The following FOXP2 variants were observed in gnomAD, a reference collection of about 807,000 sequenced individuals.
The protein encoded by FOXP2 is forkhead box protein P2.
Under a neutral mutation model 115.8 loss-of-function variants are expected in FOXP2, and 12 were observed. That is an observed-to-expected ratio of 0.10 (90% CI 0.07 to 0.17). FOXP2 has a LOEUF of 0.17. Ranked by LOEUF, FOXP2 falls within the 10% of genes least tolerant of loss-of-function variation. The pLI, the probability that FOXP2 is intolerant of heterozygous loss-of-function variation, is 1.00. For missense variants in FOXP2, 629 were observed against 843.5 expected, an observed-to-expected ratio of 0.75 and a Z score of 3.15; for synonymous variants, 328 against 297.7, an observed-to-expected ratio of 1.10 and a Z score of -1.05.
chr7:114,343,482 A>G (rs1791263056), intron 2 of FOXP2, among the ~76,000 whole-genome samples: 1 of 151,622 alleles, frequency 6.6e-6, no homozygotes, highest in Admixed American at 6.6e-5. Flanking sequence ...AGATAGAGTT[A>G]GGCTCATTGT....
At chr7:114,318,379 GTTTT>G (rs201941261) in intron 2 of FOXP2, among the ~76,000 whole-genome samples, 207 of 116,798 alleles carry the variant, frequency 1.8e-3, no homozygotes, top group African/African-American at 5.3e-3. Context: ...GTCTCTCTTT[GTTTT>G]TTTTTTTTTT....
intron 2 of FOXP2, among the ~76,000 whole-genome samples, chr7:114,327,216 C>G (rs1487414328): frequency 6.6e-6 from 1 of 152,192 alleles, no homozygotes. Context: ...TGTGTACTTT[C>G]TTCTCCTTCT....
chr7:114,312,743 G>C (rs1797176391), intron 2 of FOXP2, among the ~76,000 whole-genome samples: 1 of 152,194 alleles, frequency 6.6e-6, no homozygotes, highest in African/African-American at 2.4e-5. Context: ...CCAGATGGAT[G>C]CTGTGTATGC....
At chr7:114,139,055 A>G (rs181547658) in intron 1 of FOXP2, among the ~76,000 whole-genome samples, 52 of 152,316 alleles carry the variant, frequency 3.4e-4, no homozygotes, top group Admixed American at 2.9e-3. Context: ...TATATATACA[A>G]CAGGGGTTAC....
intron 2 of FOXP2, among the ~76,000 whole-genome samples, chr7:114,533,882 T>C (rs1382077908): frequency 6.6e-6 from 1 of 151,928 alleles, no homozygotes; most frequent in African/African-American, 2.4e-5. Context: ...AATGCTTACA[T>C]TAATTTCTTA....
chr7:114,406,311 A>G (rs1017429759), intron 2 of FOXP2, among the ~76,000 whole-genome samples: 7 of 151,950 alleles, frequency 4.6e-5, no homozygotes, highest in African/African-American at 7.2e-5. Context: ...ATTTTCCAGT[A>G]TACTAATTTT....
intron 2 of FOXP2, among the ~76,000 whole-genome samples, chr7:114,358,827 G>A (rs1055106654): frequency 1.3e-5 from 2 of 152,150 alleles, no homozygotes; most frequent in Non-Finnish European, 2.9e-5. Context: ...TCATTCACAA[G>A]GAGGTGGTTT....
At chr7:114,223,064 A>T (rs955326574) in intron 1 of FOXP2, among the ~76,000 whole-genome samples, 3 of 152,054 alleles carry the variant, frequency 2.0e-5, no homozygotes, top group Admixed American at 6.6e-5. Flanking sequence ...AGAACATTTT[A>T]TATGTTTCAT....
At chr7:114,257,614 C>T (rs896952857) in intron 1 of FOXP2, among the ~76,000 whole-genome samples, 9 of 150,964 alleles carry the variant, frequency 6.0e-5, no homozygotes, top group African/African-American at 2.0e-4. Flanking sequence ...CCACCATGCC[C>T]GGCTAGTTTT....
intron 9 of FOXP2, chr7:114,653,355 G>C (rs1041306234): frequency 6.3e-6 from 1 of 158,650 alleles, no homozygotes; most frequent in Non-Finnish European, 1.4e-5. Context: ...AGTAAGGTCC[G>C]TCAGTTGTAA....
At chr7:114,619,511 G>C (rs534206929) in intron 3 of FOXP2, among the ~76,000 whole-genome samples, 2 of 152,134 alleles carry the variant, frequency 1.3e-5, no homozygotes, top group Admixed American at 1.3e-4. Context: ...AGAGAATAAA[G>C]AAATAGTAAT....
intron 3 of FOXP2, 27 bp downstream of exon 3, chr7:114,534,733 G>A (rs1562982475): frequency 2.5e-6 from 4 of 1,572,686 alleles, no homozygotes; most frequent in Non-Finnish European, 3.5e-6. Context: ...TGTCCTTGGG[G>A]TCTTATTTTA....
At chr7:114,686,242 G>A (rs572448804) in intron 16 of FOXP2, among the ~76,000 whole-genome samples, 6 of 150,418 alleles carry the variant, frequency 4.0e-5, no homozygotes, top group East Asian at 2.0e-4. Context: ...GCACTGTTTC[G>A]CCTTACTGCA....
At chr7:114,409,729 G>T (rs1034439396), upstream of FOXP2, among the ~76,000 whole-genome samples, 2 of 151,974 alleles carry the variant, frequency 1.3e-5, no homozygotes, top group African/African-American at 2.4e-5. Flanking sequence ...ATTGATTTTG[G>T]CTTTTCTCAT....
chr7:114,314,006 G>T (rs1797213111), intron 2 of FOXP2, among the ~76,000 whole-genome samples: 2 of 151,582 alleles, frequency 1.3e-5, no homozygotes, highest in South Asian at 2.1e-4. Flanking sequence ...AAAATGTAAT[G>T]TAATAGAATA....
intron 1 of FOXP2, among the ~76,000 whole-genome samples, chr7:114,253,582 A>C (rs1795514252): frequency 1.3e-5 from 2 of 152,100 alleles, no homozygotes; most frequent in African/African-American, 4.8e-5. Flanking sequence ...TTGTTGGTTT[A>C]AAGTCTGTTT....
At chr7:114,424,549 C>T (rs952745375) in intron 1 of FOXP2, among the ~76,000 whole-genome samples, 3 of 151,488 alleles carry the variant, frequency 2.0e-5, no homozygotes, top group Non-Finnish European at 3.0e-5. Context: ...CAGACCTTTT[C>T]TCTGAATATT....
chr7:114,325,750 G>A (rs573854030), intron 2 of FOXP2, among the ~76,000 whole-genome samples: 6 of 151,978 alleles, frequency 3.9e-5, no homozygotes, highest in Non-Finnish European at 7.4e-5. Flanking sequence ...AGACCCGTTC[G>A]GTTGCTGAGA....
intron 2 of FOXP2, among the ~76,000 whole-genome samples, chr7:114,497,068 G>A (rs1482529171): frequency 6.6e-6 from 1 of 152,080 alleles, no homozygotes; most frequent in Non-Finnish European, 1.5e-5. Flanking sequence ...AAAGTCAATG[G>A]CTTACTCAGT....
Sources: gnomAD v4.1 joint callset for allele counts (sites outside exome capture counted in the v4.1 genomes callset) on GRCh38, gnomAD v4.1.1 for gene constraint, MANE v1.5 for transcripts, NCBI Gene and HGNC (gene_info 2026-07-23, HGNC 2026-07-21) for gene names.